The following MDGA2 variants were observed in gnomAD, a reference collection of about 807,000 sequenced individuals.
MDGA2 encodes the protein MAM domain-containing glycosylphosphatidylinositol anchor protein 2.
Under a neutral mutation model 117.8 loss-of-function variants are expected in MDGA2, and 40 were observed. The observed-to-expected ratio is 0.34, with a 90% CI of 0.26 to 0.44. The LOEUF is 0.44. Among genes scored for constraint, MDGA2 ranks in the 20% least tolerant of loss-of-function variants. The pLI, the probability that MDGA2 is intolerant of heterozygous loss-of-function variation, is 1.00. For missense variants in MDGA2, 1,123 were observed against 1,250.6 expected (o/e 0.90, Z 1.54); for synonymous variants, 452 against 439.0 (o/e 1.03, Z -0.37).
intron 10 of MDGA2, among the ~76,000 whole-genome samples, chr14:46,913,016 T>A (rs1448332898): frequency 6.6e-6 from 1 of 152,104 alleles, no homozygotes; most frequent in Non-Finnish European, 1.5e-5. Context: ...AGTCCTTCAT[T>A]CTCTCTCATC....
At chr14:47,606,359 AAAAG>A (rs1896743728) in intron 1 of MDGA2, among the ~76,000 whole-genome samples, 1 of 152,228 alleles carries the variant, frequency 6.6e-6, no homozygotes, top group African/African-American at 2.4e-5. Flanking sequence ...CAGTACTCCA[AAAAG>A]AAAGCTAAAT....
intron 3 of MDGA2, among the ~76,000 whole-genome samples, chr14:47,172,559 C>A (rs1594692532): frequency 6.6e-6 from 1 of 152,184 alleles, no homozygotes; most frequent in East Asian, 1.9e-4. Context: ...GGACCTCTAG[C>A]AAACTCCAAC....
At chr14:47,257,194 T>C (rs931925620) in intron 2 of MDGA2, among the ~76,000 whole-genome samples, 8 of 152,140 alleles carry the variant, frequency 5.3e-5, no homozygotes, top group Non-Finnish European at 7.4e-5. Flanking sequence ...ATAGACACCA[T>C]GGCTCTGTGT....
intron 1 of MDGA2, among the ~76,000 whole-genome samples, chr14:47,391,605 C>G (rs1312659590): frequency 2.0e-5 from 3 of 152,146 alleles, no homozygotes; most frequent in African/African-American, 7.2e-5. Context: ...ATAAATATAA[C>G]ACACTAATCA....
At chr14:47,282,696 C>CAAAAAAA (rs572508750) in intron 2 of MDGA2, among the ~76,000 whole-genome samples, 1 of 120,498 alleles carries the variant, frequency 8.3e-6, no homozygotes, top group Non-Finnish European at 1.8e-5. Flanking sequence ...GAATGTGTCT[C>CAAAAAAA]AAAAAAAAAA....
intron 10 of MDGA2, among the ~76,000 whole-genome samples, chr14:46,889,280 T>C (rs1882786690): frequency 6.6e-6 from 1 of 152,080 alleles, no homozygotes; most frequent in Non-Finnish European, 1.5e-5. Context: ...TTCTTCTGAG[T>C]AGGCACTTTT....
intron 1 of MDGA2, among the ~76,000 whole-genome samples, chr14:47,378,900 C>T (rs1891542971): frequency 6.6e-6 from 1 of 152,062 alleles, no homozygotes; most frequent in Admixed American, 6.6e-5. Context: ...AGAGCAACTC[C>T]AAGACACATA....
At chr14:46,915,502 T>G (rs1238654847) in intron 10 of MDGA2, among the ~76,000 whole-genome samples, 2 of 152,184 alleles carry the variant, frequency 1.3e-5, no homozygotes, top group Non-Finnish European at 2.9e-5. Flanking sequence ...TAAAATCCTA[T>G]CACTCATTTA....
At chr14:47,007,128 A>G (rs990942479) in intron 8 of MDGA2, among the ~76,000 whole-genome samples, 2 of 151,868 alleles carry the variant, frequency 1.3e-5, no homozygotes, top group African/African-American at 4.8e-5. Context: ...TTTGTATCAT[A>G]TAAGAGTGAT....
chr14:47,134,379 A>G (rs1246290149), intron 4 of MDGA2, among the ~76,000 whole-genome samples: 1 of 152,224 alleles, frequency 6.6e-6, no homozygotes, highest in African/African-American at 2.4e-5. Context: ...AACTCAATAT[A>G]ATTAAATGAG....
At position 47,053,640 on chromosome 14, in the gene MDGA2, TATATATATATATATACAC is replaced by T. The variant is rs1287589791; in HGVS notation, c.1525+7591_1525+7608del. Reference sequence around the variant, plus strand: ...ATATATATATATATATATATATATATATATATATATATATACACACACACACACACATATATATATACA... The same window carrying T: ...ATATATATATATATATATATATATATACACACACACACATATATATATACA... On this transcript the variant is annotated intron_variant, in intron 7 of 16. Coordinates refer to ENST00000399232, the MANE Select transcript of MDGA2 (RefSeq NM_001113498.3). Among the ~76,000 whole-genome samples, 163 of 63,456 alleles carry T rather than the reference TATATATATATATATACAC, an allele frequency of 2.6e-3. 3 individuals carry two copies. Among genetic ancestry groups the T allele is most frequent in the Middle Eastern group, 0.017 (2 of 116 alleles). 41.6% of individuals were successfully genotyped at this position (63,456 alleles called of 152,430 possible).
At chr14:47,478,531 T>C (rs1207072951) in intron 1 of MDGA2, among the ~76,000 whole-genome samples, 1 of 151,844 alleles carries the variant, frequency 6.6e-6, no homozygotes, top group East Asian at 1.9e-4. Flanking sequence ...CCCGATACCA[T>C]GACTGGCTAA....
intron 1 of MDGA2, among the ~76,000 whole-genome samples, chr14:47,601,446 T>C (rs766757154): frequency 2.0e-4 from 30 of 152,138 alleles, no homozygotes; most frequent in Non-Finnish European, 1.0e-4. Flanking sequence ...TTCTGGAAGA[T>C]GACAAAGGAT....
chr14:47,339,867 C>T (rs747985456), intron 1 of MDGA2, among the ~76,000 whole-genome samples: 5 of 152,118 alleles, frequency 3.3e-5, no homozygotes, highest in Non-Finnish European at 7.4e-5. Context: ...CTTACATTTA[C>T]ATAAGCATAT....
At chr14:47,368,782 T>C in intron 1 of MDGA2, among the ~76,000 whole-genome samples, 1 of 93,106 alleles carries the variant, frequency 1.1e-5, no homozygotes, top group South Asian at 2.8e-4. Flanking sequence ...AGCGCATAAT[T>C]AGAGAGTTCA....
intron 1 of MDGA2, among the ~76,000 whole-genome samples, chr14:47,537,078 A>G (rs895266181): frequency 1.3e-5 from 2 of 152,186 alleles, no homozygotes; most frequent in Admixed American, 6.5e-5. Flanking sequence ...AGAAAAAAAG[A>G]CTTTGAACAG....
At chr14:47,054,988 T>G (rs1052184048) in intron 7 of MDGA2, among the ~76,000 whole-genome samples, 1 of 92,560 alleles carries the variant, frequency 1.1e-5, no homozygotes, top group Non-Finnish European at 2.2e-5. Context: ...CGTTGTCCAA[T>G]TTTTTTTTCT....
rs79932528 is a variant in MDGA2 at position 46,897,779 on chromosome 14, A to C, written c.2239-15558T>G. Among the ~76,000 whole-genome samples, 632 of 152,124 alleles carry C rather than the reference A, an allele frequency of 4.2e-3. 8 individuals carry two copies. Among genetic ancestry groups the C allele is most frequent in the East Asian group, 0.025 (129 of 5,188 alleles). On this transcript the variant is annotated intron_variant, in intron 10 of 16. Coordinates refer to ENST00000399232, the MANE Select transcript of MDGA2 (RefSeq NM_001113498.3). ...AAAGAGTGCAGTGAGCAATTAATTT[A>C]ATTATCACTCAAAATGTATAATAAT...
intron 1 of MDGA2, among the ~76,000 whole-genome samples, chr14:47,392,268 G>C (rs898145862): frequency 1.3e-5 from 2 of 152,058 alleles, no homozygotes; most frequent in African/African-American, 4.8e-5. Context: ...ATGAAGCTTA[G>C]AAATCATTAA....
Sources: allele counts gnomAD v4.1 joint callset (sites outside exome capture counted in the v4.1 genomes callset), GRCh38; gene constraint gnomAD v4.1.1; transcripts MANE v1.5; gene names NCBI Gene and HGNC (gene_info 2026-07-23, HGNC 2026-07-21).